PRDM5: variants seen among roughly 807,000 people sequenced by gnomAD.
The protein encoded by PRDM5 is PR/SET domain 5.
In PRDM5, 56 loss-of-function variants were observed where a neutral mutation model predicts 81.2. The ratio of observed to expected loss-of-function variants is 0.69; its 90% CI spans 0.56 to 0.86. PRDM5 has a LOEUF of 0.86. Among genes scored for constraint, PRDM5 ranks in the 40% least tolerant of loss-of-function variants. The pLI is 0.00. For missense variants in PRDM5, 697 were observed against 770.1 expected (o/e 0.91, Z 1.12); for synonymous variants, 267 against 256.4 (o/e 1.04, Z -0.39).
chr4:120,868,463 G>A (rs1318966495), intron 2 of PRDM5, among the ~76,000 whole-genome samples: 1 of 152,058 alleles, frequency 6.6e-6, no homozygotes, highest in Non-Finnish European at 1.5e-5. Context: ...TCTAAATGTG[G>A]TTTTCAGAGC....
At chr4:120,744,753 G>T (rs1345209505) in intron 14 of PRDM5, among the ~76,000 whole-genome samples, 1 of 151,048 alleles carries the variant, frequency 6.6e-6, no homozygotes, top group East Asian at 1.9e-4. Context: ...TCTCTGAATA[G>T]ACCAATAACA....
intron 14 of PRDM5, among the ~76,000 whole-genome samples, chr4:120,723,156 C>T (rs990293880): frequency 1.2e-4 from 18 of 152,004 alleles, no homozygotes; most frequent in Non-Finnish European, 1.9e-4. Context: ...TGACAATGAA[C>T]GAAAAATTCA....
intron 14 of PRDM5, among the ~76,000 whole-genome samples, chr4:120,751,549 C>T (rs1420878605): frequency 2.0e-5 from 3 of 151,702 alleles, no homozygotes; most frequent in Admixed American, 6.6e-5. Flanking sequence ...AGATAGCAGA[C>T]TACAGATCTA....
At chr4:120,783,097 A>G (rs1197631300) in intron 11 of PRDM5, among the ~76,000 whole-genome samples, 1 of 152,126 alleles carries the variant, frequency 6.6e-6, no homozygotes, top group Non-Finnish European at 1.5e-5. Context: ...TCACATTTTG[A>G]GCCAGAAAGC....
chr4:120,687,182 T>G (rs924297722), downstream of PRDM5, among the ~76,000 whole-genome samples: 2 of 152,120 alleles, frequency 1.3e-5, no homozygotes, highest in Admixed American at 6.6e-5. Context: ...AATTTTTAAG[T>G]GTATAGTATA....
At chr4:120,722,052 C>T (rs1258255577) in intron 14 of PRDM5, among the ~76,000 whole-genome samples, 2 of 152,148 alleles carry the variant, frequency 1.3e-5, no homozygotes, top group African/African-American at 2.4e-5. Flanking sequence ...TAAGCCACTG[C>T]CCCTGAAGGC....
chr4:120,699,123 C>A (rs1223501584), intron 15 of PRDM5, among the ~76,000 whole-genome samples: 2 of 134,490 alleles, frequency 1.5e-5, no homozygotes, highest in Non-Finnish European at 3.1e-5. Context: ...GGGCCAAAGT[C>A]ATCTTTAACA....
intron 14 of PRDM5, among the ~76,000 whole-genome samples, chr4:120,717,907 T>C (rs1738029857): frequency 8.5e-6 from 1 of 117,662 alleles, no homozygotes; most frequent in African/African-American, 3.0e-5. Context: ...TGTCACAAAA[T>C]CATAGAATGA....
rs538157093 is a variant in PRDM5, at chr4:120,781,050, G to A, written c.1443+93C>T. On this transcript the variant is annotated intron_variant, in intron 12 of 15. Transcript: ENST00000264808. Reference sequence around the variant, plus strand: ...GTCATTTTGAGTAAATATTTTGATAGATTAATATATAATTATCACATGTTA... The same window carrying A: ...GTCATTTTGAGTAAATATTTTGATAAATTAATATATAATTATCACATGTTA... 1.0e-4 allele frequency: 113 copies of A among 1,087,052 alleles called. No individual in the cohort carries two copies. The East Asian group carries it at 2.7e-3, about 26-fold the overall frequency. 67.3% of individuals were successfully genotyped at this position (1,087,052 alleles called of 1,614,324 possible).
intron 3 of PRDM5, among the ~76,000 whole-genome samples, chr4:120,830,552 T>C (rs1195249824): frequency 6.6e-6 from 1 of 152,024 alleles, no homozygotes; most frequent in African/African-American, 2.4e-5. Flanking sequence ...GAGCAAAAAT[T>C]GACTGAAGCA....
At chr4:120,804,016 A>T (rs961074970) in intron 8 of PRDM5, among the ~76,000 whole-genome samples, 1 of 152,218 alleles carries the variant, frequency 6.6e-6, no homozygotes, top group South Asian at 2.1e-4. Flanking sequence ...AAGATCTACC[A>T]AGCAAATGGA....
intron 14 of PRDM5, among the ~76,000 whole-genome samples, chr4:120,736,301 C>G (rs1042693131): frequency 6.0e-5 from 9 of 151,092 alleles, no homozygotes; most frequent in African/African-American, 2.2e-4. Context: ...CACATCTTTG[C>G]TATTGTGAAT....
At chr4:120,691,253 G>C (rs183965655), downstream of PRDM5, among the ~76,000 whole-genome samples, 36 of 152,156 alleles carry the variant, frequency 2.4e-4, no homozygotes, top group East Asian at 5.6e-3. Flanking sequence ...CACAATGAAG[G>C]CTCCAGAGTT....
chr4:120,747,515 C>G (rs192814192), intron 14 of PRDM5, among the ~76,000 whole-genome samples: 29 of 151,996 alleles, frequency 1.9e-4, no homozygotes, highest in African/African-American at 6.8e-4. Context: ...ATAGACCACC[C>G]AAACCCTCTA....
Position 120,695,042 on chromosome 4 carries a change from T to C in PRDM5, c.*69A>G, listed in dbSNP as rs890267086. The C allele has an allele frequency of 3.9e-6, 6 of 1,531,058 alleles. No homozygotes were observed. The Admixed American group carries it at 8.4e-5, about 21-fold the overall frequency. 94.8% of individuals were successfully genotyped at this position (1,531,058 alleles called of 1,614,324 possible). The stretch of plus-strand genomic sequence containing the variant: ...CTTTTGGCTACTTCTGTTATGCTGA[T>C]CAGGTGATAAAAATCTGGGATTCAT... On this transcript the variant is annotated 3_prime_UTR_variant, in exon 16 of 16. Coordinates refer to ENST00000264808, the MANE Select transcript of PRDM5 (RefSeq NM_018699.4).
Position 120,876,428 on chromosome 4 carries a change from GT to G in PRDM5, c.178-22889del, listed in dbSNP as rs202201281. On this transcript the variant is annotated intron_variant, in intron 2 of 15. Coordinates refer to ENST00000264808, the MANE Select transcript of PRDM5 (RefSeq NM_018699.4). ...ATTAGATGCCTATCTTTTATTTTGTGTGTCAATTACAAAGATTTTGTGTATT... is the reference window on the plus strand; with the variant it reads ...ATTAGATGCCTATCTTTTATTTTGTGGTCAATTACAAAGATTTTGTGTATT... Among the ~76,000 whole-genome samples the G allele has an allele frequency of 4.6e-4, 70 of 152,152 alleles. 1 individual carries two copies. In the East Asian group the frequency reaches 0.013, roughly 29 times the overall value.
At position 120,887,786 on chromosome 4, in the gene PRDM5, CT is replaced by C. The variant is rs773355512; in HGVS notation, c.177+19687del. Among the ~76,000 whole-genome samples, 184 of 85,184 alleles carry C rather than the reference CT, an allele frequency of 2.2e-3. 1 individual carries two copies. Among genetic ancestry groups the C allele is most frequent in the African/African-American group, 4.2e-3 (59 of 14,124 alleles). 55.9% of individuals were successfully genotyped at this position (85,184 alleles called of 152,430 possible). ...AAACCCACAGCCTAGACATTTTATC[CT>C]TTTTTTTTTTTTTTTTTTTTTTTGA... On this transcript the variant is annotated intron_variant, in intron 2 of 15. Coordinates refer to ENST00000264808, the MANE Select transcript of PRDM5 (RefSeq NM_018699.4).
intron 15 of PRDM5, among the ~76,000 whole-genome samples, chr4:120,703,321 G>C (rs897465429): frequency 2.0e-5 from 3 of 152,090 alleles, no homozygotes; most frequent in Admixed American, 2.0e-4. Flanking sequence ...GAATAGCTGA[G>C]ACTACAAGTG....
At chr4:120,801,476 C>T (rs1752111956) in intron 8 of PRDM5, among the ~76,000 whole-genome samples, 1 of 152,216 alleles carries the variant, frequency 6.6e-6, no homozygotes, top group Non-Finnish European at 1.5e-5. Flanking sequence ...CTGCTTCTGT[C>T]AGGTCTGACT....
Sources: allele counts gnomAD v4.1 joint callset (sites outside exome capture counted in the v4.1 genomes callset), GRCh38; gene constraint gnomAD v4.1.1; transcripts MANE v1.5; gene names NCBI Gene and HGNC (gene_info 2026-07-23, HGNC 2026-07-21).